Variants in RIC1 observed in about 807,000 individuals in gnomAD.
RIC1 encodes RIC1 partner of RAB6A GEF complex.
A neutral mutation model predicts 169.0 loss-of-function variants in RIC1; 88 were observed. That is an observed-to-expected ratio of 0.52 (90% CI 0.44 to 0.62). The LOEUF is 0.62. Among genes scored for constraint, RIC1 ranks in the 20% least tolerant of loss-of-function variants. RIC1 has a pLI of 0.00. For missense variants in RIC1, 1,877 were observed against 1,725.5 expected (o/e 1.09, Z -1.56); for synonymous variants, 790 against 601.5 (o/e 1.31, Z -4.59).
chr9:5,745,442 A>G (rs930527085), intron 10 of RIC1, among the ~76,000 whole-genome samples: 14 of 152,174 alleles, frequency 9.2e-5, no homozygotes, highest in Admixed American at 9.2e-4. Flanking sequence ...CAGCTTGGCC[A>G]AGGTAATATA....
chr9:5,769,670 A>G (rs758340242), intron 22 of RIC1: 7 of 276,318 alleles, frequency 2.5e-5, no homozygotes, highest in Admixed American at 4.9e-5. Context: ...CTGAAAGTGT[A>G]TATTTTGGTG....
intron 1 of RIC1, among the ~76,000 whole-genome samples, chr9:5,652,763 A>G (rs1038243849): frequency 6.6e-6 from 1 of 151,988 alleles, no homozygotes; most frequent in African/African-American, 2.4e-5. Context: ...GTGGTGAAAG[A>G]TAGTATCCTT....
intron 6 of RIC1, among the ~76,000 whole-genome samples, chr9:5,728,981 C>G (rs1007272770): frequency 5.9e-5 from 9 of 152,118 alleles, no homozygotes; most frequent in African/African-American, 1.7e-4. Context: ...TGGGGGTCCT[C>G]CTACCTTTAG....
chr9:5,735,293 A>G (rs1387240622), intron 7 of RIC1, among the ~76,000 whole-genome samples: 2 of 152,354 alleles, frequency 1.3e-5, no homozygotes, highest in East Asian at 3.9e-4. Flanking sequence ...AAGTGACTAG[A>G]AAGCCCACAC....
chr9:5,629,304 C>A lies in RIC1; in HGVS notation c.-6C>A. 1.3e-5 allele frequency: 20 copies of A among 1,506,360 alleles called. No individual in the cohort carries two copies. Among genetic ancestry groups the A allele is most frequent in the Non-Finnish European group, 1.7e-5 (19 of 1,133,394 alleles). 93.3% of individuals were successfully genotyped at this position (1,506,360 alleles called of 1,614,324 possible). ...AACTGGGGGCGCCGGGGGCTCCGCA[C>A]GGACCATGTATTTTCTGAGCGGCTG... On this transcript the variant is annotated 5_prime_UTR_variant, in exon 1 of 26. Transcript: ENST00000414202.
intron 6 of RIC1, among the ~76,000 whole-genome samples, chr9:5,723,395 G>C (rs1055465500): frequency 3.3e-5 from 5 of 152,134 alleles, no homozygotes; most frequent in Admixed American, 2.6e-4. Flanking sequence ...CCCACTTTTT[G>C]ATGGGGTGGT....
chr9:5,772,643 T>C lies in RIC1; in HGVS notation c.3696T>C (p.Asp1232=). 1 of 1,614,000 alleles carries C rather than the reference T, an allele frequency of 6.2e-7. No homozygotes were observed. The highest frequency in any genetic ancestry group is 1.3e-5 in the African/African-American group (1 of 75,056). ...SMVDGDWTMV[D]ENFSTLSLTQ... ...TGGATGGCGACTGGACAATGGTGGA[T>C]GAAAATTTCTCTACACTCAGTTTAA... Residue 1232 remains aspartate (D), a synonymous_variant, in exon 24 of 26, where the codon GAT becomes GAC. Transcript: ENST00000414202.
At chr9:5,640,586 T>G (rs553913940) in intron 1 of RIC1, among the ~76,000 whole-genome samples, 2 of 152,324 alleles carry the variant, frequency 1.3e-5, no homozygotes, top group East Asian at 1.9e-4. Context: ...TTAGGTTATT[T>G]ATTTGAAGTT....
intron 2 of RIC1, among the ~76,000 whole-genome samples, chr9:5,668,356 T>G (rs1819903209): frequency 6.6e-6 from 1 of 152,218 alleles, no homozygotes; most frequent in Non-Finnish European, 1.5e-5. Flanking sequence ...TTTTCAAAAT[T>G]CTGTCTTTTG....
At chr9:5,629,939 C>A (rs1817638551) in intron 1 of RIC1, among the ~76,000 whole-genome samples, 1 of 152,244 alleles carries the variant, frequency 6.6e-6, no homozygotes, top group South Asian at 2.1e-4. Flanking sequence ...CTTATTTCTA[C>A]AAACTACAGC....
In RIC1 at chr9:5,738,545, C is replaced by CTTTTTTT. The variant is rs74310870; in HGVS notation, c.901+22_901+28dup. 2 of 815,732 alleles carry CTTTTTTT rather than the reference C, an allele frequency of 2.5e-6. No individual in the cohort carries two copies. The highest frequency in any genetic ancestry group is 2.2e-5 in the African/African-American group (1 of 45,566). The allele number at this position is 815,732 out of a possible 1,614,324, so 50.5% of individuals were successfully genotyped here. ...ACAGCAAAACAGTATCCTGGTGAGT[C>CTTTTTTT]TTTTTTTTTTTTTTTTTTTTTAACA... On this transcript the variant is annotated splice_region_variant and intron_variant, in intron 8 of 25. Transcript: ENST00000414202.
intron 1 of RIC1, among the ~76,000 whole-genome samples, chr9:5,632,865 T>C (rs1817784014): frequency 6.6e-6 from 1 of 152,222 alleles, no homozygotes; most frequent in Non-Finnish European, 1.5e-5. Flanking sequence ...GAATGGTATC[T>C]TTGAATTTAG....
chr9:5,693,909 TA>T (rs3839888), intron 3 of RIC1, among the ~76,000 whole-genome samples: 52,038 of 146,474 alleles, frequency 0.36, 12,334 homozygotes, highest in African/African-American at 0.68. Flanking sequence ...TGAGTTTCTT[TA>T]AAAAAAAAAA....
At chr9:5,777,871 G>A (rs1279343154), downstream of RIC1, among the ~76,000 whole-genome samples, 2 of 152,002 alleles carry the variant, frequency 1.3e-5, no homozygotes, top group Non-Finnish European at 2.9e-5. Flanking sequence ...GATTTCTGTT[G>A]CTTTGTAGGA....
intron 3 of RIC1, among the ~76,000 whole-genome samples, chr9:5,695,224 G>C (rs1821818713): frequency 6.6e-6 from 1 of 152,154 alleles, no homozygotes; most frequent in Non-Finnish European, 1.5e-5. Flanking sequence ...TAGCAGGTAT[G>C]AAAATTCATA....
intron 1 of RIC1, among the ~76,000 whole-genome samples, chr9:5,634,574 T>A (rs1275453389): frequency 6.6e-6 from 1 of 152,208 alleles, no homozygotes; most frequent in East Asian, 1.9e-4. Flanking sequence ...TGTTTTTTTC[T>A]CGGTACTGAG....
intron 2 of RIC1, among the ~76,000 whole-genome samples, chr9:5,681,884 G>A (rs928662406): frequency 6.6e-6 from 1 of 152,302 alleles, no homozygotes; most frequent in South Asian, 2.1e-4. Flanking sequence ...AGCTCTTCTT[G>A]TTGAATTGAT....
intron 2 of RIC1, among the ~76,000 whole-genome samples, chr9:5,660,818 G>T (rs1038204917): frequency 6.6e-6 from 1 of 152,086 alleles, no homozygotes; most frequent in Non-Finnish European, 1.5e-5. Context: ...TCACTCCAAT[G>T]ATAGTTTCTG....
intron 2 of RIC1, among the ~76,000 whole-genome samples, chr9:5,668,093 G>A (rs1819886036): frequency 6.6e-6 from 1 of 152,102 alleles, no homozygotes; most frequent in African/African-American, 2.4e-5. Context: ...TTCACGTGGT[G>A]GCAGGAGAGA....
Sources: allele counts gnomAD v4.1 joint callset (sites outside exome capture counted in the v4.1 genomes callset), GRCh38; gene constraint gnomAD v4.1.1; transcripts MANE v1.5; gene names NCBI Gene and HGNC (gene_info 2026-07-23, HGNC 2026-07-21).